The following LRRIQ1 variants were observed in gnomAD, a reference collection of about 807,000 sequenced individuals.
LRRIQ1 encodes leucine rich repeats and IQ motif containing 1, also known as leucine-rich repeat- and IQ domain-containing protein 1.
In LRRIQ1, 210 loss-of-function variants were observed where a neutral mutation model predicts 211.9. The ratio of observed to expected loss-of-function variants is 0.99; its 90% confidence interval spans 0.89 to 1.11. The LOEUF (loss-of-function observed/expected upper bound fraction) is 1.11. Among genes scored for constraint, LRRIQ1 ranks in the 50% most tolerant of loss-of-function variants. The pLI, the probability that LRRIQ1 is intolerant of heterozygous loss-of-function variation, is 0.00. For missense variants in LRRIQ1, 2,136 were observed against 1,939.5 expected (o/e 1.10, Z -1.90); for synonymous variants, 699 against 650.1 (o/e 1.08, Z -1.14).
intron 11 of LRRIQ1, among the ~76,000 whole-genome samples, chr12:85,090,599 T>C (rs1240101854): frequency 6.6e-6 from 1 of 152,232 alleles, no homozygotes. Flanking sequence ...GTTTTGAATT[T>C]GCATGGGGAT....
At chr12:85,214,894 G>C (rs1403639705) in intron 24 of LRRIQ1, among the ~76,000 whole-genome samples, 1 of 151,988 alleles carries the variant, frequency 6.6e-6, no homozygotes, top group Non-Finnish European at 1.5e-5. Context: ...TGTCATAATA[G>C]TAGTGAAACA....
At chr12:85,099,383 C>T (rs1886166889) in intron 13 of LRRIQ1, among the ~76,000 whole-genome samples, 1 of 151,782 alleles carries the variant, frequency 6.6e-6, no homozygotes, top group African/African-American at 2.4e-5. Context: ...CCTGGAAGGA[C>T]AATTTTTACT....
exon 2 of LRRIQ1, chr12:85,262,946 A>T: frequency 1.0e-6 from 1 of 986,832 alleles, no homozygotes; most frequent in Non-Finnish European, 1.2e-6. Flanking sequence ...CAATATCGCC[A>T]ATAATAACAA....
intron 24 of LRRIQ1, among the ~76,000 whole-genome samples, chr12:85,204,221 G>A (rs993792296): frequency 6.6e-6 from 1 of 152,178 alleles, no homozygotes; most frequent in Non-Finnish European, 1.5e-5. Context: ...AAGAATTCAG[G>A]TTCAGGAACC....
intron 1 of LRRIQ1, among the ~76,000 whole-genome samples, chr12:85,255,437 T>C (rs1896059899): frequency 6.6e-6 from 1 of 151,784 alleles, no homozygotes; most frequent in Non-Finnish European, 1.5e-5. Flanking sequence ...TCTAGATTTA[T>C]CTTTTTCCTC....
chr12:85,173,048 G>T (rs757808379), intron 24 of LRRIQ1, among the ~76,000 whole-genome samples: 7 of 152,106 alleles, frequency 4.6e-5, no homozygotes, highest in Non-Finnish European at 1.0e-4. Flanking sequence ...GGCAGAGGTT[G>T]CAGTGAGCCG....
chr12:85,072,340 A>G (rs718553), intron 10 of LRRIQ1, among the ~76,000 whole-genome samples: 33,339 of 151,848 alleles, frequency 0.22, 4,337 homozygotes, highest in Admixed American at 0.31. Context: ...CTAATCTAAT[A>G]TGTGGTCAAT....
chr12:85,098,910 T>C lies in LRRIQ1; in HGVS notation c.3125T>C (p.Leu1042Ser), dbSNP rs1226050402. Reference sequence around the variant, plus strand: ...CTTGTTTTACTAAGAGAATTGCACTTGGATGATAACAGCATTTCAACTGTG... The same window carrying C: ...CTTGTTTTACTAAGAGAATTGCACTCGGATGATAACAGCATTTCAACTGTG... ...ENLVLLRELH[L>S]DDNSISTVEA... The change falls in exon 13 of 27, where the codon TTG (leucine) becomes TCG (serine). Residue 1042 changes from leucine to serine, a missense_variant. Physicochemically the swap from Leu to Ser is moderately radical, Grantham distance 145. Transcript: ENST00000393217. The C allele has an allele frequency of 6.4e-7, 1 of 1,570,338 alleles. No homozygotes were observed. Among genetic ancestry groups the C allele is most frequent in the Non-Finnish European group, 8.6e-7 (1 of 1,156,468 alleles).
intron 10 of LRRIQ1, among the ~76,000 whole-genome samples, chr12:85,068,438 A>G (rs1190970909): frequency 1.3e-5 from 2 of 151,958 alleles, no homozygotes; most frequent in South Asian, 2.1e-4. Flanking sequence ...AATAATACAT[A>G]GAAATTCCAT....
chr12:85,063,512 CA>C (rs1017835736), intron 8 of LRRIQ1, among the ~76,000 whole-genome samples: 1 of 151,650 alleles, frequency 6.6e-6, no homozygotes, highest in African/African-American at 2.4e-5. Context: ...TCCATTATCT[CA>C]AGTATTTACC....
intron 24 of LRRIQ1, among the ~76,000 whole-genome samples, chr12:85,180,859 T>A (rs1891946970): frequency 6.6e-6 from 1 of 151,488 alleles, no homozygotes; most frequent in Non-Finnish European, 1.5e-5. Context: ...GGTGTGTTTG[T>A]GTGTGTGTGT....
chr12:85,169,953 T>G (rs189214510), intron 24 of LRRIQ1, among the ~76,000 whole-genome samples: 201 of 152,226 alleles, frequency 1.3e-3, no homozygotes, highest in Non-Finnish European at 2.2e-3. Context: ...ACTTCCTAAA[T>G]ATATTCTAGG....
At chr12:85,156,278 A>G (rs1264048053) in intron 23 of LRRIQ1, among the ~76,000 whole-genome samples, 3 of 151,768 alleles carry the variant, frequency 2.0e-5, no homozygotes, top group African/African-American at 7.2e-5. Flanking sequence ...AAATTTAGTG[A>G]TAAGTTTTAT....
Position 85,040,485 on chromosome 12 carries a change from T to G in LRRIQ1, c.133-5T>G, listed in dbSNP as rs1229618581. 2.6e-6 allele frequency: 4 copies of G among 1,514,600 alleles called. No homozygotes were observed. In the South Asian group the frequency reaches 5.1e-5, roughly 19 times the overall value. The allele number at this position is 1,514,600 out of a possible 1,614,324, so 93.8% of individuals were successfully genotyped here. On this transcript the variant is annotated splice_polypyrimidine_tract_variant and splice_region_variant and intron_variant, in intron 2 of 26. Transcript: ENST00000393217. ...CACAGTTTCTTGTATTATTCAAATT[T>G]TTAGGATTCAGTTGAATTACCAGAA...
At chr12:85,114,229 TG>T (rs1431137806) in intron 15 of LRRIQ1, among the ~76,000 whole-genome samples, 1 of 152,064 alleles carries the variant, frequency 6.6e-6, no homozygotes, top group African/African-American at 2.4e-5. Flanking sequence ...AAATATCTGA[TG>T]GGTTGTTTTT....
At chr12:85,235,985 T>C (rs990435970) in intron 26 of LRRIQ1, among the ~76,000 whole-genome samples, 2 of 152,052 alleles carry the variant, frequency 1.3e-5, no homozygotes, top group Admixed American at 6.6e-5. Context: ...AATAGACCAA[T>C]AGAAATGAAT....
chr12:85,060,965 T>C (rs1352591994), intron 8 of LRRIQ1, among the ~76,000 whole-genome samples: 1 of 151,858 alleles, frequency 6.6e-6, no homozygotes, highest in Non-Finnish European at 1.5e-5. Flanking sequence ...GTTATTAAAA[T>C]ATAATGAGAG....
intron 21 of LRRIQ1, 112 bp downstream of exon 21, chr12:85,153,257 C>A: frequency 9.1e-7 from 1 of 1,094,804 alleles, no homozygotes; most frequent in Non-Finnish European, 1.3e-6. Flanking sequence ...GTTTAGGAAA[C>A]AGAATATTTA....
chr12:85,104,069 G>C lies in LRRIQ1; in HGVS notation c.3275G>C (p.Cys1092Ser), dbSNP rs139188004. The change falls in exon 14 of 27, where the codon TGT (cysteine) becomes TCT (serine). Residue 1092 changes from cysteine (C) to serine (S), a missense_variant. By Grantham distance (112) the Cys-to-Ser change is moderately radical. Coordinates refer to ENST00000393217, the MANE Select transcript of LRRIQ1 (RefSeq NM_001079910.2). ...GAAAAGCTAGATGTCAGCCACAATT[G>C]TCTTTCTGGTAAGTTTAGCATAATA... ...SLEKLDVSHN[C>S]LSDLKSAIKW... 6.5e-7 allele frequency: 1 copy of C among 1,536,472 alleles called. No individual in the cohort carries two copies. The highest frequency in any genetic ancestry group is 1.9e-5 in the Admixed American group (1 of 53,000).
Sources: allele counts gnomAD v4.1 joint callset (sites outside exome capture counted in the v4.1 genomes callset), GRCh38; gene constraint gnomAD v4.1.1; transcripts MANE v1.5; gene names NCBI Gene and HGNC (gene_info 2026-07-23, HGNC 2026-07-21).